The following PTPRM variants were observed in gnomAD, a reference collection of about 807,000 sequenced individuals.
PTPRM encodes receptor-type tyrosine-protein phosphatase mu.
A neutral mutation model predicts 186.7 loss-of-function variants in PTPRM; 47 were observed. That is an observed-to-expected ratio of 0.25 (90% CI 0.20 to 0.32). The LOEUF (loss-of-function observed/expected upper bound fraction) is 0.32, where lower values mean the gene tolerates loss of function less well. Ranked by LOEUF, PTPRM falls within the 10% of genes least tolerant of loss-of-function variation. The probability of loss-of-function intolerance (pLI) is 1.00; values close to 1 mark genes in which losing one functional copy is unlikely to be tolerated. For missense variants in PTPRM, 1,494 were observed against 1,865.0 expected, an observed-to-expected ratio of 0.80 and a Z score of 3.66; for synonymous variants, 668 against 674.9, an observed-to-expected ratio of 0.99 and a Z score of 0.16.
chr18:8,185,927 CA>C (rs1462425239), intron 14 of PTPRM, among the ~76,000 whole-genome samples: 2 of 152,170 alleles, frequency 1.3e-5, no homozygotes, highest in Non-Finnish European at 2.9e-5. Context: ...TCCTGTTCCC[CA>C]GGGGGAAATC....
intron 1 of PTPRM, among the ~76,000 whole-genome samples, chr18:7,584,143 T>A (rs1047864767): frequency 6.6e-6 from 1 of 152,186 alleles, no homozygotes; most frequent in Non-Finnish European, 1.5e-5. Flanking sequence ...GAGAATTACA[T>A]CAAAATAAAC....
At chr18:7,907,490 C>T (rs1288192237) in intron 4 of PTPRM, among the ~76,000 whole-genome samples, 4 of 152,192 alleles carry the variant, frequency 2.6e-5, no homozygotes, top group Non-Finnish European at 5.9e-5. Context: ...GGGGAGCTGG[C>T]GCTGTGTCTC....
chr18:8,210,795 A>T (rs1415749811), intron 14 of PTPRM, among the ~76,000 whole-genome samples: 2 of 152,176 alleles, frequency 1.3e-5, no homozygotes, highest in Admixed American at 6.5e-5. Flanking sequence ...TGTTGCTTTA[A>T]AGGGTTTGGG....
intron 14 of PTPRM, among the ~76,000 whole-genome samples, chr18:8,187,860 G>T (rs988781752): frequency 2.2e-4 from 33 of 152,232 alleles, no homozygotes; most frequent in African/African-American, 8.0e-4. Context: ...TTGAAGAGCA[G>T]TTCCACTGGG....
intron 1 of PTPRM, among the ~76,000 whole-genome samples, chr18:7,743,455 G>A (rs767434939): frequency 1.3e-5 from 2 of 152,138 alleles, no homozygotes; most frequent in Admixed American, 6.5e-5. Context: ...GTTCCTAAGT[G>A]TTTATTGGGC....
chr18:8,076,378 G>A (rs576416795), intron 8 of PTPRM, 77 bp from the exon 9 acceptor site: 3 of 850,722 alleles, frequency 3.5e-6, no homozygotes, highest in African/African-American at 3.5e-5. Context: ...TCAATAGAAG[G>A]TTAAAACCAA....
intron 32 of PTPRM, among the ~76,000 whole-genome samples, chr18:8,400,942 T>G (rs192650377): frequency 1.1e-3 from 174 of 151,976 alleles, no homozygotes; most frequent in African/African-American, 3.9e-3. Flanking sequence ...TGAGCTAGGG[T>G]CCCCAATCCA....
chr18:8,374,983 G>A (rs1240839265), intron 24 of PTPRM, among the ~76,000 whole-genome samples: 1 of 152,198 alleles, frequency 6.6e-6, no homozygotes, highest in Admixed American at 6.5e-5. Flanking sequence ...AATGATCATG[G>A]AATGAGAGAA....
At chr18:7,848,256 A>G (rs1199667993) in intron 2 of PTPRM, among the ~76,000 whole-genome samples, 2 of 152,198 alleles carry the variant, frequency 1.3e-5, no homozygotes, top group African/African-American at 4.8e-5. Context: ...AATAAGTTGA[A>G]CATTTTGGAG....
At position 7,581,787 on chromosome 18, in the gene PTPRM, G is replaced by A. The variant is rs56381794; in HGVS notation, c.73+13896G>A. Among the ~76,000 whole-genome samples the A allele has an allele frequency of 5.4e-3, 824 of 151,716 alleles. 4 individuals are homozygous for A. The highest frequency in any genetic ancestry group is 8.2e-3 in the Non-Finnish European group (554 of 67,966). ...CCACCTCAGCCTCCAGAGTAGCTGGGACTCCCAAGCAGCATGCGGCACTAT... is the reference window on the plus strand; with the variant it reads ...CCACCTCAGCCTCCAGAGTAGCTGGAACTCCCAAGCAGCATGCGGCACTAT... On this transcript the variant is annotated intron_variant, in intron 1 of 32. Transcript: ENST00000580170.
chr18:8,275,109 C>A (rs1304959904), intron 19 of PTPRM, among the ~76,000 whole-genome samples: 1 of 152,060 alleles, frequency 6.6e-6, no homozygotes, highest in African/African-American at 2.4e-5. Context: ...TCAGTTCTGT[C>A]CATTTGATTT....
intron 32 of PTPRM, among the ~76,000 whole-genome samples, chr18:8,401,199 C>T (rs890490942): frequency 4.6e-5 from 7 of 152,182 alleles, no homozygotes; most frequent in African/African-American, 1.7e-4. Flanking sequence ...CCCTTTGCTG[C>T]CCTCTCCAAC....
chr18:8,402,696 A>T (rs958766425), intron 32 of PTPRM, among the ~76,000 whole-genome samples: 1 of 152,248 alleles, frequency 6.6e-6, no homozygotes, highest in African/African-American at 2.4e-5. Flanking sequence ...GTGATCTGAC[A>T]ACGTGGCCTT....
intron 5 of PTPRM, among the ~76,000 whole-genome samples, chr18:7,932,170 T>C (rs1385340329): frequency 1.3e-5 from 2 of 152,182 alleles, no homozygotes; most frequent in African/African-American, 2.4e-5. Context: ...GGAGGAGCGA[T>C]GTCTTTTCAA....
At chr18:8,143,140 G>T (rs1247471300) in intron 13 of PTPRM, among the ~76,000 whole-genome samples, 2 of 152,108 alleles carry the variant, frequency 1.3e-5, no homozygotes, top group Non-Finnish European at 2.9e-5. Flanking sequence ...ACTCTATTGT[G>T]TTAAAAAACA....
chr18:7,999,235 G>T (rs1319661707), intron 7 of PTPRM, among the ~76,000 whole-genome samples: 2 of 152,056 alleles, frequency 1.3e-5, no homozygotes, highest in East Asian at 3.9e-4. Context: ...GGAAACCAAG[G>T]TACCTGGAGA....
At chr18:8,237,330 T>C (rs1289899057) in intron 14 of PTPRM, among the ~76,000 whole-genome samples, 1 of 151,448 alleles carries the variant, frequency 6.6e-6, no homozygotes, top group Non-Finnish European at 1.5e-5. Flanking sequence ...GTTCTTCCTT[T>C]CTCTTTGTAG....
chr18:7,931,479 G>A (rs1441616106), intron 5 of PTPRM, among the ~76,000 whole-genome samples: 1 of 152,156 alleles, frequency 6.6e-6, no homozygotes, highest in Non-Finnish European at 1.5e-5. Flanking sequence ...GGCGAGGTGG[G>A]TGGATCATGA....
chr18:8,255,125 AG>A (rs2094562756), intron 19 of PTPRM, among the ~76,000 whole-genome samples: 1 of 152,278 alleles, frequency 6.6e-6, no homozygotes, highest in Admixed American at 6.5e-5. Context: ...AATAGGATTA[AG>A]AGTAAGACTT....
Sources: allele counts gnomAD v4.1 joint callset (sites outside exome capture counted in the v4.1 genomes callset), GRCh38; gene constraint gnomAD v4.1.1; transcripts MANE v1.5; gene names NCBI Gene and HGNC (gene_info 2026-07-23, HGNC 2026-07-21).